GAB1: variants seen among roughly 807,000 people sequenced by gnomAD.
GAB1 encodes the protein GRB2-associated-binding protein 1.
A neutral mutation model predicts 66.5 loss-of-function variants in GAB1; 19 were observed. The ratio of observed to expected loss-of-function variants is 0.29; its 90% CI spans 0.20 to 0.42. GAB1 has a LOEUF of 0.42. GAB1 is among the 10% of genes least tolerant of loss of function. GAB1 has a pLI of 1.00. For synonymous variants in GAB1, 294 were observed against 301.4 expected, an observed-to-expected ratio of 0.98 and a Z score of 0.25; for missense variants, 732 against 858.5, an observed-to-expected ratio of 0.85 and a Z score of 1.84.
rs1156570798 is a variant in GAB1 at position 143,471,343 on chromosome 4, AC to A, written c.*2155del. On this transcript the variant is annotated 3_prime_UTR_variant, in exon 10 of 10. Transcript: ENST00000262994. ...TTAGAAAGGCAGTTTGCTTTAGAAA[AC>A]TAAATCACATTGAACATTGTATTAG... 5.3e-5 allele frequency: 8 copies of A among 152,204 alleles called. No individual in the cohort carries two copies. Among genetic ancestry groups the A allele is most frequent in the Admixed American group, 3.9e-4 (6 of 15,274 alleles). 9.4% of individuals were successfully genotyped at this position (152,204 alleles called of 1,614,324 possible).
At chr4:143,431,696 T>C (rs999956308) in intron 2 of GAB1, among the ~76,000 whole-genome samples, 1 of 152,126 alleles carries the variant, frequency 6.6e-6, no homozygotes, top group African/African-American at 2.4e-5. Flanking sequence ...TGGGCCACCA[T>C]TGTAAAATGG....
chr4:143,372,701 C>A (rs1426693689), intron 1 of GAB1, among the ~76,000 whole-genome samples: 1 of 152,156 alleles, frequency 6.6e-6, no homozygotes, highest in Non-Finnish European at 1.5e-5. Context: ...TGGTGTATAG[C>A]ATTTACTTTT....
intron 8 of GAB1, among the ~76,000 whole-genome samples, chr4:143,462,822 C>T (rs557059077): frequency 1.4e-4 from 21 of 152,174 alleles, no homozygotes; most frequent in African/African-American, 4.3e-4. Context: ...CCACCACACA[C>T]GACTAATTTT....
chr4:143,360,351 T>TA (rs1729614672), intron 1 of GAB1, among the ~76,000 whole-genome samples: 2 of 152,176 alleles, frequency 1.3e-5, no homozygotes, highest in South Asian at 2.1e-4. Flanking sequence ...TTATTTGAGA[T>TA]AAAAAATACT....
At chr4:143,392,120 G>A (rs1731215907) in intron 1 of GAB1, among the ~76,000 whole-genome samples, 1 of 152,150 alleles carries the variant, frequency 6.6e-6, no homozygotes, top group Admixed American at 6.5e-5. Flanking sequence ...GGAGGCATCT[G>A]TTTTTGTTTT....
intron 1 of GAB1, among the ~76,000 whole-genome samples, chr4:143,406,799 G>T (rs896698863): frequency 2.0e-5 from 3 of 152,170 alleles, no homozygotes; most frequent in African/African-American, 4.8e-5. Context: ...CACTTTTTCC[G>T]TCTCCTCTTG....
rs778529680 is a variant in GAB1, at chr4:143,460,388, C to G, written c.1704C>G (p.Pro568=). 6.2e-7 allele frequency: 1 copy of G among 1,613,708 alleles called. No individual in the cohort carries two copies. Among genetic ancestry groups the G allele is most frequent in the Non-Finnish European group, 8.5e-7 (1 of 1,179,724 alleles). The part of the protein sequence containing the change: ...ARDSSRFPMS[P]RPDSVHSTTS... ...GCTCTTCCAGGTTTCCCATGTCCCC[C>G]CGACCAGATTCAGTGCATAGCACAA... The change falls in exon 8 of 10, where the codon CCC becomes CCG. Residue 568 remains proline (P), a synonymous_variant. Transcript: ENST00000262994.
chr4:143,370,102 G>A (rs1343803351), intron 1 of GAB1, among the ~76,000 whole-genome samples: 5 of 152,212 alleles, frequency 3.3e-5, no homozygotes, highest in African/African-American at 9.6e-5. Flanking sequence ...ACACAAGTTG[G>A]ATAATTTGGG....
intron 1 of GAB1, among the ~76,000 whole-genome samples, chr4:143,387,298 A>AT (rs1730963737): frequency 6.6e-6 from 1 of 152,044 alleles, no homozygotes; most frequent in Admixed American, 6.5e-5. Context: ...CGCCCGGCTA[A>AT]TTTTGTATTT....
rs1252554240 is a variant in GAB1 at position 143,473,990 on chromosome 4, T to G, written c.*4801T>G. The G allele has an allele frequency of 6.6e-6, 1 of 152,218 alleles. No homozygotes were observed. Among genetic ancestry groups the G allele is most frequent in the East Asian group, 1.9e-4 (1 of 5,204 alleles). 9.4% of individuals were successfully genotyped at this position (152,218 alleles called of 1,614,324 possible). ...GAGGAAGTTACCACCATCTCTGATA[T>G]AGACACACTTTTTGAGTTGCAGTTT... On this transcript the variant is annotated 3_prime_UTR_variant, in exon 10 of 10. Coordinates refer to ENST00000262994, the MANE Select transcript of GAB1 (RefSeq NM_002039.4).
chr4:143,372,132 C>G (rs1348067233), intron 1 of GAB1, among the ~76,000 whole-genome samples: 5 of 151,956 alleles, frequency 3.3e-5, no homozygotes, highest in Non-Finnish European at 5.9e-5. Flanking sequence ...CAAGACCAGC[C>G]TGGCCAACAT....
At chr4:143,414,966 T>G (rs1732600562) in intron 1 of GAB1, among the ~76,000 whole-genome samples, 1 of 152,110 alleles carries the variant, frequency 6.6e-6, no homozygotes, top group South Asian at 2.1e-4. Flanking sequence ...CTGTAATAAC[T>G]CTCCATTTCC....
Position 143,469,104 on chromosome 4 carries a change from C to G in GAB1, c.2000C>G (p.Thr667Ser). The stretch of plus-strand genomic sequence containing the variant: ...TATGTTGTTGTTGACCAACAGAAGA[C>G]CTTGGCTCTAAAGAGTACCCGGGAA... ...VDYVVVDQQK[T>S]LALKSTREAW... The change falls in exon 10 of 10, where the codon ACC (threonine) becomes AGC (serine). Residue 667 changes from threonine to serine, a missense_variant. This residue lies in a region of GAB1 where 204 missense variants were observed against 276.8 expected (regional missense o/e 0.74). Transcript: ENST00000262994. 6.2e-7 allele frequency: 1 copy of G among 1,614,084 alleles called. No individual in the cohort carries two copies. The highest frequency in any genetic ancestry group is 8.5e-7 in the Non-Finnish European group (1 of 1,179,964).
At chr4:143,364,163 G>A (rs1231102211) in intron 1 of GAB1, among the ~76,000 whole-genome samples, 1 of 151,102 alleles carries the variant, frequency 6.6e-6, no homozygotes, top group Non-Finnish European at 1.5e-5. Flanking sequence ...ACTCCAGCCT[G>A]GGCTACAAGA....
chr4:143,472,399 T>C lies in GAB1; in HGVS notation c.*3210T>C, dbSNP rs770946668. On this transcript the variant is annotated 3_prime_UTR_variant, in exon 10 of 10. Transcript: ENST00000262994. The stretch of plus-strand genomic sequence containing the variant: ...TCTTTTATATTTAATTAATGGGGAT[T>C]ATAGTCTTCCTTCATAAATGCATTT... 1 of 152,198 alleles carries C rather than the reference T, an allele frequency of 6.6e-6. No homozygotes were observed. The highest frequency in any genetic ancestry group is 1.5e-5 in the Non-Finnish European group (1 of 68,030). 9.4% of individuals were successfully genotyped at this position (152,198 alleles called of 1,614,324 possible).
chr4:143,350,696 A>G (rs74386849), intron 1 of GAB1, among the ~76,000 whole-genome samples: 2 of 151,458 alleles, frequency 1.3e-5, no homozygotes, highest in Non-Finnish European at 2.9e-5. Context: ...AAAAAAAAAA[A>G]AAGAAAGACT....
intron 1 of GAB1, among the ~76,000 whole-genome samples, chr4:143,341,860 T>C (rs2149640678): frequency 6.6e-6 from 1 of 152,328 alleles, no homozygotes; most frequent in East Asian, 1.9e-4. Flanking sequence ...CCCTGCTCAA[T>C]AGTGTCACTA....
At chr4:143,352,607 C>T (rs1447260085) in intron 1 of GAB1, among the ~76,000 whole-genome samples, 1 of 152,166 alleles carries the variant, frequency 6.6e-6, no homozygotes, top group East Asian at 1.9e-4. Flanking sequence ...TTGGGCCCTA[C>T]CCTCCTTCTA....
At chr4:143,460,701 TGCCTGGCACAGCA>T (rs1407282216) in intron 8 of GAB1, among the ~76,000 whole-genome samples, 13 of 151,944 alleles carry the variant, frequency 8.6e-5, no homozygotes, top group African/African-American at 3.1e-4. Flanking sequence ...AAAAAAAAGT[TGCCTGGCACAGCA>T]GCACAACCCT....
Sources: gnomAD v4.1 joint callset for allele counts (sites outside exome capture counted in the v4.1 genomes callset) on GRCh38, gnomAD v4.1.1 for gene constraint, gnomAD v4.1.1 regional missense constraint, MANE v1.5 for transcripts, NCBI Gene and HGNC (gene_info 2026-07-23, HGNC 2026-07-21) for gene names.